GABRB2: variants seen among roughly 807,000 people sequenced by gnomAD.
The protein encoded by GABRB2 is gamma-aminobutyric acid receptor subunit beta-2.
GABRB2 carries 16 observed loss-of-function variants against 54.7 expected under a neutral mutation model. The ratio of observed to expected loss-of-function variants is 0.29; its 90% CI spans 0.20 to 0.44. The LOEUF (loss-of-function observed/expected upper bound fraction) is 0.44. Ranked by LOEUF, GABRB2 falls within the 20% of genes least tolerant of loss-of-function variation. The probability of loss-of-function intolerance (pLI) is 1.00; values close to 1 mark genes in which losing one functional copy is unlikely to be tolerated. For synonymous variants in GABRB2, 244 were observed against 233.8 expected (o/e 1.04, Z -0.40); for missense variants, 355 against 644.0 (o/e 0.55, Z 4.86).
chr5:161,425,003 G>T (rs953325516), intron 4 of GABRB2, among the ~76,000 whole-genome samples: 1 of 152,116 alleles, frequency 6.6e-6, no homozygotes, highest in Non-Finnish European at 1.5e-5. Flanking sequence ...AATAGTAAGA[G>T]AGCTAGTATT....
chr5:161,433,376 G>T (rs970344936), intron 4 of GABRB2, among the ~76,000 whole-genome samples: 6 of 151,358 alleles, frequency 4.0e-5, no homozygotes, highest in Non-Finnish European at 8.8e-5. Context: ...GAGGTGGGCG[G>T]CCTGCTTGAG....
At chr5:161,453,636 G>A (rs1196007865) in intron 4 of GABRB2, among the ~76,000 whole-genome samples, 1 of 152,118 alleles carries the variant, frequency 6.6e-6, no homozygotes, top group Non-Finnish European at 1.5e-5. Flanking sequence ...CCAGTTTATG[G>A]TATTTTATTA....
intron 5 of GABRB2, among the ~76,000 whole-genome samples, chr5:161,345,410 A>G (rs1754293640): frequency 6.6e-6 from 1 of 151,996 alleles, no homozygotes. Flanking sequence ...TTCAATGCAA[A>G]TTCTTCAGGC....
Position 161,294,398 on chromosome 5 carries a change from T to C in GABRB2, c.1222A>G (p.Thr408Ala). 6.2e-7 allele frequency: 1 copy of C among 1,613,568 alleles called. No individual in the cohort carries two copies. Among genetic ancestry groups the C allele is most frequent in the East Asian group, 2.2e-5 (1 of 44,852 alleles). Residue 408 changes from threonine (T) to alanine (A), a missense_variant, in exon 10 of 10, where the codon ACT becomes GCT. By Grantham distance (58) the Thr-to-Ala change is moderately conservative. Around this residue, in one of 6 missense-constraint regions of GABRB2, gnomAD observed 201 missense variants for 228.1 expected, o/e 0.88. Coordinates refer to ENST00000393959, the MANE Select transcript of GABRB2 (RefSeq NM_001371727.1). ...MDPHENILLS[T>A]LEIKNEMATS... is the part of the protein sequence containing the mutation. ...GCCATTTCATTTTTTATCTCGAGAG[T>C]GCTCAGTAAGATGTTCTCATGGGGG...
chr5:161,388,213 A>T (rs924466327), intron 5 of GABRB2, among the ~76,000 whole-genome samples: 1 of 152,166 alleles, frequency 6.6e-6, no homozygotes. Context: ...TGGATGTCAC[A>T]TACATGAGTT....
rs557918381 is a variant in GABRB2 at position 161,408,430 on chromosome 5, C to G, written c.541+2545G>C. Among the ~76,000 whole-genome samples, 3 of 152,054 alleles carry G rather than the reference C, an allele frequency of 2.0e-5. No homozygotes were observed. In the South Asian group the frequency reaches 6.2e-4, roughly 32 times the overall value. ...TGTATATTGCTATTCACTATTAGAT[C>G]TTTAGAGCTTATTACGATACCTGGT... On this transcript the variant is annotated intron_variant, in intron 5 of 9. Transcript: ENST00000393959.
chr5:161,298,662 T>C (rs1207368079), intron 9 of GABRB2, among the ~76,000 whole-genome samples: 2 of 152,256 alleles, frequency 1.3e-5, no homozygotes, highest in Non-Finnish European at 2.9e-5. Flanking sequence ...CCTTTATTTA[T>C]ACAGGTCTCT....
chr5:161,510,402 C>G (rs539386053), intron 3 of GABRB2, among the ~76,000 whole-genome samples: 28 of 152,050 alleles, frequency 1.8e-4, no homozygotes, highest in African/African-American at 6.5e-4. Flanking sequence ...ATAATCTCCA[C>G]TTCCATCCAT....
chr5:161,417,942 C>CA (rs112439003), intron 4 of GABRB2, among the ~76,000 whole-genome samples: 3 of 151,972 alleles, frequency 2.0e-5, no homozygotes, highest in Admixed American at 1.3e-4. Flanking sequence ...TTGTAATCAC[C>CA]AAAAAAAGTA....
chr5:161,355,890 A>G (rs1754611577), intron 5 of GABRB2, among the ~76,000 whole-genome samples: 1 of 152,162 alleles, frequency 6.6e-6, no homozygotes, highest in East Asian at 1.9e-4. Flanking sequence ...TTCATGCAAA[A>G]GATTTTTATT....
chr5:161,374,994 T>C (rs1041531160), intron 5 of GABRB2, among the ~76,000 whole-genome samples: 23 of 152,314 alleles, frequency 1.5e-4, no homozygotes, highest in African/African-American at 5.5e-4. Context: ...AAGTCATTTT[T>C]TGCATGTTTT....
At chr5:161,448,762 C>A (rs539808106) in intron 4 of GABRB2, among the ~76,000 whole-genome samples, 1 of 152,238 alleles carries the variant, frequency 6.6e-6, no homozygotes, top group East Asian at 1.9e-4. Flanking sequence ...AAAAGTGTAA[C>A]AAAATGACCT....
chr5:161,332,846 G>T (rs1298373917), intron 7 of GABRB2, among the ~76,000 whole-genome samples: 3 of 151,920 alleles, frequency 2.0e-5, no homozygotes, highest in African/African-American at 7.3e-5. Context: ...AACAGCTACA[G>T]AATAAAAAAA....
At chr5:161,471,601 C>A (rs978780416) in intron 3 of GABRB2, among the ~76,000 whole-genome samples, 1 of 151,934 alleles carries the variant, frequency 6.6e-6, no homozygotes, top group Non-Finnish European at 1.5e-5. Flanking sequence ...AGTTTTTCCA[C>A]TATGTTGCTT....
At position 161,409,083 on chromosome 5, in the gene GABRB2, A is replaced by G. The variant is rs140532231; in HGVS notation, c.541+1892T>C. On this transcript the variant is annotated intron_variant, in intron 5 of 9. Coordinates refer to ENST00000393959, the MANE Select transcript of GABRB2 (RefSeq NM_001371727.1). ...ATATGAATAAGCCCCAATTTTCCATAAGGCCAGGCTATTTCTTGCTTTTTA... is the reference window on the plus strand; with the variant it reads ...ATATGAATAAGCCCCAATTTTCCATGAGGCCAGGCTATTTCTTGCTTTTTA... Among the ~76,000 whole-genome samples the G allele has an allele frequency of 2.3e-3, 348 of 152,216 alleles. 1 individual carries two copies. The highest frequency in any genetic ancestry group is 3.7e-3 in the Non-Finnish European group (251 of 67,974).
intron 3 of GABRB2, among the ~76,000 whole-genome samples, chr5:161,496,053 TA>T (rs1444253174): frequency 6.6e-6 from 1 of 152,080 alleles, no homozygotes; most frequent in Admixed American, 6.6e-5. Context: ...GACAAGAACA[TA>T]CCATCTCCGC....
chr5:161,521,891 T>C (rs960614158), intron 3 of GABRB2, among the ~76,000 whole-genome samples: 1 of 151,884 alleles, frequency 6.6e-6, no homozygotes, highest in African/African-American at 2.4e-5. Flanking sequence ...TTCTGAATCT[T>C]TGTATTTTAT....
intron 3 of GABRB2, among the ~76,000 whole-genome samples, chr5:161,519,961 T>C (rs928428138): frequency 2.0e-5 from 3 of 152,170 alleles, no homozygotes; most frequent in African/African-American, 7.2e-5. Flanking sequence ...TCATATTTTC[T>C]TTTTATAGTT....
intron 3 of GABRB2, among the ~76,000 whole-genome samples, chr5:161,517,630 T>C (rs1759987736): frequency 6.6e-6 from 1 of 152,174 alleles, no homozygotes; most frequent in South Asian, 2.1e-4. Flanking sequence ...CTGCCGCTAT[T>C]GCAGTGGTCC....
Sources: gnomAD v4.1 joint callset for allele counts (sites outside exome capture counted in the v4.1 genomes callset) on GRCh38, gnomAD v4.1.1 for gene constraint, gnomAD v4.1.1 regional missense constraint, MANE v1.5 for transcripts, NCBI Gene and HGNC (gene_info 2026-07-23, HGNC 2026-07-21) for gene names.